LARP4: variants seen among roughly 807,000 people sequenced by gnomAD.
LARP4 encodes La ribonucleoprotein 4, also known as la-related protein 4.
In LARP4, 29 loss-of-function variants were observed where a neutral mutation model predicts 92.9. The observed-to-expected ratio is 0.31, with a 90% CI of 0.23 to 0.43. The LOEUF (loss-of-function observed/expected upper bound fraction) is 0.43, where lower values mean the gene tolerates loss of function less well. Ranked by LOEUF, LARP4 falls within the 20% of genes least tolerant of loss-of-function variation. LARP4 has a pLI of 1.00. For missense variants in LARP4, 732 were observed against 860.0 expected (o/e 0.85, Z 1.86); for synonymous variants, 279 against 284.1 (o/e 0.98, Z 0.18).
chr12:50,472,961 T>A (rs1326555051), intron 13 of LARP4, among the ~76,000 whole-genome samples: 1 of 151,992 alleles, frequency 6.6e-6, no homozygotes, highest in Non-Finnish European at 1.5e-5. Context: ...TAGCTGAGAT[T>A]ACAGGCATGC....
chr12:50,426,131 C>T (rs1948670911), intron 1 of LARP4, among the ~76,000 whole-genome samples: 1 of 152,030 alleles, frequency 6.6e-6, no homozygotes, highest in African/African-American at 2.4e-5. Flanking sequence ...GTCAGGATCC[C>T]CCTTCCCTGA....
chr12:50,454,642 A>G, intron 10 of LARP4: 1 of 375,872 alleles, frequency 2.7e-6, no homozygotes. Flanking sequence ...GATTTTTTTT[A>G]ATAATAAAAG....
chr12:50,465,371 C>CAAA (rs368980753), intron 12 of LARP4, among the ~76,000 whole-genome samples: 5,317 of 112,072 alleles, frequency 0.047, 221 homozygotes, highest in Admixed American at 0.093. Context: ...GACTCTGTCT[C>CAAA]AAAAAAAAAA....
chr12:50,473,009 G>A (rs990765277), intron 13 of LARP4, among the ~76,000 whole-genome samples: 4 of 151,736 alleles, frequency 2.6e-5, no homozygotes, highest in Non-Finnish European at 5.9e-5. Flanking sequence ...TTTTAGTAGA[G>A]ATGGGATTTC....
intron 1 of LARP4, among the ~76,000 whole-genome samples, chr12:50,418,018 G>A (rs1265156750): frequency 4.6e-5 from 7 of 152,164 alleles, no homozygotes; most frequent in Non-Finnish European, 7.4e-5. Context: ...CCACCACCAC[G>A]CCCGGCTAAT....
chr12:50,429,540 T>C (rs779341553), intron 3 of LARP4, among the ~76,000 whole-genome samples: 1 of 152,024 alleles, frequency 6.6e-6, no homozygotes, highest in African/African-American at 2.4e-5. Flanking sequence ...AGTGAAACTG[T>C]GTCTGAAAAA....
intron 1 of LARP4, among the ~76,000 whole-genome samples, chr12:50,419,269 A>T (rs1321954491): frequency 2.0e-5 from 3 of 152,130 alleles, no homozygotes; most frequent in Non-Finnish European, 4.4e-5. Context: ...GAGGCTGAGA[A>T]GTTGGAGGAT....
chr12:50,407,421 A>G (rs767871516), intron 1 of LARP4, among the ~76,000 whole-genome samples: 3 of 152,248 alleles, frequency 2.0e-5, no homozygotes, highest in Non-Finnish European at 4.4e-5. Flanking sequence ...GATTTAGGGC[A>G]AGTCAAACAA....
intron 13 of LARP4, among the ~76,000 whole-genome samples, chr12:50,470,422 T>C (rs1399978854): frequency 6.6e-6 from 1 of 150,794 alleles, no homozygotes; most frequent in African/African-American, 2.4e-5. Context: ...ATATATACTT[T>C]CTTTCTTTCT....
At chr12:50,421,643 A>AAAATAAATAAATAAAT (rs144012967) in intron 1 of LARP4, among the ~76,000 whole-genome samples, 37 of 147,886 alleles carry the variant, frequency 2.5e-4, no homozygotes, top group African/African-American at 7.7e-4. Context: ...ACTTCATCAC[A>AAAATAAATAAATAAAT]AAATAAATAA....
chr12:50,464,658 G>C (rs1955900539), intron 12 of LARP4, among the ~76,000 whole-genome samples: 1 of 151,814 alleles, frequency 6.6e-6, no homozygotes, highest in South Asian at 2.1e-4. Context: ...CTCCCAGAGT[G>C]CTGGGATTAC....
intron 10 of LARP4, among the ~76,000 whole-genome samples, chr12:50,456,361 T>G (rs570825780): frequency 3.4e-5 from 5 of 148,946 alleles, no homozygotes; most frequent in Admixed American, 2.1e-4. Flanking sequence ...AATTTTTAAT[T>G]ACAGAAATAA....
chr12:50,440,181 A>T (rs935205891), intron 6 of LARP4, among the ~76,000 whole-genome samples: 6 of 152,184 alleles, frequency 3.9e-5, no homozygotes, highest in Non-Finnish European at 7.3e-5. Flanking sequence ...TCGTGCCTGT[A>T]ATCTCAGCAC....
intron 15 of LARP4, among the ~76,000 whole-genome samples, chr12:50,474,449 G>A (rs1341514540): frequency 6.6e-6 from 1 of 152,038 alleles, no homozygotes; most frequent in Non-Finnish European, 1.5e-5. Context: ...CCGGGTTCAC[G>A]CCATTCTCCT....
intron 1 of LARP4, among the ~76,000 whole-genome samples, chr12:50,413,908 A>T (rs930338516): frequency 6.6e-6 from 1 of 152,182 alleles, no homozygotes; most frequent in Non-Finnish European, 1.5e-5. Flanking sequence ...TATTTTATAG[A>T]TGAACTACAG....
intron 9 of LARP4, among the ~76,000 whole-genome samples, chr12:50,454,081 T>A (rs892287514): frequency 2.0e-5 from 3 of 152,224 alleles, no homozygotes; most frequent in Non-Finnish European, 4.4e-5. Flanking sequence ...TGCGTGATTT[T>A]AAATGCATTT....
intron 1 of LARP4, 74 bp downstream of exon 1, chr12:50,401,102 C>T (rs1332871338): frequency 2.6e-6 from 4 of 1,561,536 alleles, no homozygotes; most frequent in African/African-American, 2.7e-5. Flanking sequence ...GTCCCACCGC[C>T]ATGTGACTTT....
rs114500017 is a variant in LARP4, at chr12:50,412,478, T to C, written c.18+11450T>C. 3.3e-4 allele frequency: 303 copies of C among 906,548 alleles called. 2 individuals carry two copies. In the African/African-American group the frequency reaches 5.1e-3, roughly 15 times the overall value. 56.2% of individuals were successfully genotyped at this position (906,548 alleles called of 1,614,324 possible). Reference sequence around the variant, plus strand: ...GGTAAGTAAAACAAAAGGTTATGTATGTCCGAAGAGACGGTTTTACCATAT... The same window carrying C: ...GGTAAGTAAAACAAAAGGTTATGTACGTCCGAAGAGACGGTTTTACCATAT... On this transcript the variant is annotated intron_variant, in intron 1 of 15. Coordinates refer to ENST00000398473, the MANE Select transcript of LARP4 (RefSeq NM_052879.5).
At position 50,474,079 on chromosome 12, in the gene LARP4, C is replaced by T. The variant is rs769831090; in HGVS notation, c.1748C>T (p.Ser583Phe). The T allele has an allele frequency of 2.4e-5, 38 of 1,612,302 alleles. No homozygotes were observed. Among genetic ancestry groups the T allele is most frequent in the Non-Finnish European group, 3.1e-5 (36 of 1,179,398 alleles). The stretch of plus-strand genomic sequence containing the variant: ...CTCAATCAGACAACTATACCAGTTT[C>T]TCCTCCAAGTACTACAAAGCCATCG... ...DGLNQTTIPV[S>F]PPSTTKPSRA... is the part of the protein sequence containing the mutation. Residue 583 changes from serine to phenylalanine, a missense_variant, in exon 15 of 16, where the codon TCT (serine) becomes TTT (phenylalanine). By Grantham distance (155) the Ser-to-Phe change is radical. Coordinates refer to ENST00000398473, the MANE Select transcript of LARP4 (RefSeq NM_052879.5).
Sources: allele counts gnomAD v4.1 joint callset (sites outside exome capture counted in the v4.1 genomes callset), GRCh38; gene constraint gnomAD v4.1.1; transcripts MANE v1.5; gene names NCBI Gene and HGNC (gene_info 2026-07-23, HGNC 2026-07-21).